HECW1: variants seen among roughly 807,000 people sequenced by gnomAD.
HECW1 encodes HECT, C2 and WW domain containing E3 ubiquitin protein ligase 1.
A neutral mutation model predicts 182.3 loss-of-function variants in HECW1; 61 were observed. The observed-to-expected ratio is 0.33, with a 90% CI of 0.27 to 0.41. The LOEUF (loss-of-function observed/expected upper bound fraction) is 0.41, where lower values mean the gene tolerates loss of function less well. HECW1 is among the 10% of genes least tolerant of loss of function. The probability of loss-of-function intolerance (pLI) is 1.00; values close to 1 mark genes in which losing one functional copy is unlikely to be tolerated. For synonymous variants in HECW1, 859 were observed against 832.6 expected, an observed-to-expected ratio of 1.03 and a Z score of -0.55; for missense variants, 1,739 against 2,108.9, an observed-to-expected ratio of 0.82 and a Z score of 3.44.
At chr7:43,469,903 C>T (rs1285603878) in intron 16 of HECW1, among the ~76,000 whole-genome samples, 1 of 152,182 alleles carries the variant, frequency 6.6e-6, no homozygotes, top group African/African-American at 2.4e-5. Context: ...GCCTGCAAAG[C>T]CACGTTCCCC....
chr7:43,185,509 T>C (rs1462206879), intron 2 of HECW1, among the ~76,000 whole-genome samples: 1 of 152,170 alleles, frequency 6.6e-6, no homozygotes, highest in Non-Finnish European at 1.5e-5. Flanking sequence ...TGATGCTATC[T>C]CCAGGTAGAG....
chr7:43,488,462 A>AAGAAAGAAAGAG (rs2078785881), intron 17 of HECW1, among the ~76,000 whole-genome samples: 1 of 150,314 alleles, frequency 6.7e-6, no homozygotes, highest in African/African-American at 2.5e-5. Context: ...GAAAGAAAGA[A>AAGAAAGAAAGAG]AGAAAGAAAG....
intron 21 of HECW1, among the ~76,000 whole-genome samples, chr7:43,505,073 C>T (rs568959275): frequency 8.5e-5 from 13 of 152,282 alleles, no homozygotes; most frequent in Admixed American, 3.9e-4. Flanking sequence ...TGGCCATTCC[C>T]GCAGCCTCAT....
intron 2 of HECW1, among the ~76,000 whole-genome samples, chr7:43,233,238 T>C (rs539255224): frequency 2.6e-5 from 4 of 152,238 alleles, no homozygotes; most frequent in Non-Finnish European, 4.4e-5. Context: ...TTATAATTTT[T>C]CTTGCCTCAT....
chr7:43,416,253 C>A (rs1292732963), intron 8 of HECW1, among the ~76,000 whole-genome samples: 1 of 149,088 alleles, frequency 6.7e-6, no homozygotes, highest in African/African-American at 2.6e-5. Context: ...TAACAGACAG[C>A]ACCCTCAGCT....
At chr7:43,224,926 G>T (rs2152705212) in intron 2 of HECW1, among the ~76,000 whole-genome samples, 1 of 152,332 alleles carries the variant, frequency 6.6e-6, no homozygotes, top group South Asian at 2.1e-4. Context: ...CTGGAAAAAG[G>T]GCAGGGATAA....
At chr7:43,354,546 C>T (rs980434594) in intron 5 of HECW1, among the ~76,000 whole-genome samples, 1 of 152,064 alleles carries the variant, frequency 6.6e-6, no homozygotes, top group Non-Finnish European at 1.5e-5. Context: ...TTCTCAACAG[C>T]AGACTGAATC....
intron 8 of HECW1, among the ~76,000 whole-genome samples, chr7:43,436,163 CAAA>C (rs750081980): frequency 3.0e-5 from 2 of 67,036 alleles, no homozygotes; most frequent in African/African-American, 5.8e-5. Context: ...GACTTTGTCT[CAAA>C]AAAAAAAAAA....
At chr7:43,456,484 C>T (rs946066378) in intron 13 of HECW1, 37 bp downstream of exon 13, 1 of 1,580,214 alleles carries the variant, frequency 6.3e-7, no homozygotes, top group Non-Finnish European at 8.6e-7. Flanking sequence ...CCCTAAACCA[C>T]AGTGAAAGGA....
intron 8 of HECW1, among the ~76,000 whole-genome samples, chr7:43,437,051 T>C (rs1177445226): frequency 1.3e-5 from 2 of 152,096 alleles, no homozygotes; most frequent in African/African-American, 4.8e-5. Flanking sequence ...TACTTTAGAA[T>C]CAAATGAAGT....
intron 5 of HECW1, among the ~76,000 whole-genome samples, chr7:43,330,105 G>A (rs963230873): frequency 2.0e-5 from 3 of 152,150 alleles, no homozygotes; most frequent in African/African-American, 7.2e-5. Context: ...TCCTCCTATT[G>A]AGAGGCGGGG....
chr7:43,346,228 G>A (rs1447106064), intron 5 of HECW1, among the ~76,000 whole-genome samples: 1 of 151,998 alleles, frequency 6.6e-6, no homozygotes, highest in Non-Finnish European at 1.5e-5. Flanking sequence ...GTTTTGATTT[G>A]CATTTCCCTG....
At chr7:43,465,405 C>T (rs2077729187) in intron 14 of HECW1, among the ~76,000 whole-genome samples, 1 of 152,212 alleles carries the variant, frequency 6.6e-6, no homozygotes, top group African/African-American at 2.4e-5. Flanking sequence ...CCTGAGATGG[C>T]TGCCACTAGG....
chr7:43,502,676 G>A (rs377086878), intron 21 of HECW1, among the ~76,000 whole-genome samples: 19 of 151,190 alleles, frequency 1.3e-4, no homozygotes, highest in Non-Finnish European at 1.8e-4. Flanking sequence ...ACAAACAAAC[G>A]AAAAAAAAGA....
At position 43,242,858 on chromosome 7, in the gene HECW1, T is replaced by G. The variant is rs551841755; in HGVS notation, c.-31-1017T>G. 3.3e-5 allele frequency among the ~76,000 whole-genome samples: 5 copies of G among 152,276 alleles called. No individual in the cohort carries two copies. In the South Asian group the frequency reaches 8.3e-4, roughly 25 times the overall value. On this transcript the variant is annotated intron_variant, in intron 2 of 29. Coordinates refer to ENST00000395891, the MANE Select transcript of HECW1 (RefSeq NM_015052.5). ...GGTGCTGCACGGTGTGCGTCACCAC[T>G]GAGAAGTCCAGTAGCGTCCACCAGG... is the stretch of plus-strand genomic sequence containing the variant.
At chr7:43,487,016 A>AT (rs1367149571) in intron 17 of HECW1, among the ~76,000 whole-genome samples, 1 of 152,212 alleles carries the variant, frequency 6.6e-6, no homozygotes, top group African/African-American at 2.4e-5. Flanking sequence ...AACAACTCAA[A>AT]TATCTCTCTT....
intron 2 of HECW1, among the ~76,000 whole-genome samples, chr7:43,234,304 C>T (rs960928604): frequency 6.6e-6 from 1 of 152,192 alleles, no homozygotes; most frequent in Non-Finnish European, 1.5e-5. Flanking sequence ...TGCTCGCTGC[C>T]AGCCAGATCA....
At chr7:43,124,083 TCTGTG>T (rs1292912034) in intron 2 of HECW1, among the ~76,000 whole-genome samples, 1 of 152,200 alleles carries the variant, frequency 6.6e-6, no homozygotes, top group Admixed American at 6.5e-5. Flanking sequence ...AAACCTTCAT[TCTGTG>T]CTCCTGACTC....
chr7:43,330,963 TTTTA>T (rs59715518), intron 5 of HECW1, among the ~76,000 whole-genome samples: 3 of 151,796 alleles, frequency 2.0e-5, no homozygotes, highest in Non-Finnish European at 4.4e-5. Context: ...AAGGGAAGTC[TTTTA>T]TTTATTTATT....
Sources: gnomAD v4.1 joint callset for allele counts (sites outside exome capture counted in the v4.1 genomes callset) on GRCh38, gnomAD v4.1.1 for gene constraint, MANE v1.5 for transcripts, NCBI Gene and HGNC (gene_info 2026-07-23, HGNC 2026-07-21) for gene names.